Variants in EFNA5 observed in about 807,000 individuals in gnomAD.
EFNA5 encodes the protein ephrin-A5.
A neutral mutation model predicts 22.9 loss-of-function variants in EFNA5; 5 were observed. The observed-to-expected ratio is 0.22, with a 90% CI of 0.11 to 0.46. The LOEUF (loss-of-function observed/expected upper bound fraction) is 0.46, where lower values mean the gene tolerates loss of function less well. Ranked by LOEUF, EFNA5 falls within the 20% of genes least tolerant of loss-of-function variation. EFNA5 has a pLI of 0.99. For missense variants in EFNA5, 237 were observed against 293.3 expected, an observed-to-expected ratio of 0.81 and a Z score of 1.40; for synonymous variants, 113 against 112.2, an observed-to-expected ratio of 1.01 and a Z score of -0.04.
chr5:107,415,684 G>A lies in EFNA5; in HGVS notation c.418+11533C>T, dbSNP rs190852298. Among the ~76,000 whole-genome samples the A allele has an allele frequency of 2.0e-3, 310 of 152,328 alleles. 2 individuals are homozygous for A. The highest frequency in any genetic ancestry group is 7.0e-3 in the African/African-American group (293 of 41,572). Reference sequence around the variant, plus strand: ...AACTTCATTCAAAAGGATTTCAAATGTTATAAATTCTCAGTGTCTTTCCCC... The same window carrying A: ...AACTTCATTCAAAAGGATTTCAAATATTATAAATTCTCAGTGTCTTTCCCC... On this transcript the variant is annotated intron_variant, in intron 2 of 4. Coordinates refer to ENST00000333274, the MANE Select transcript of EFNA5 (RefSeq NM_001962.3).
chr5:107,510,712 G>A (rs1372371961), intron 1 of EFNA5, among the ~76,000 whole-genome samples: 1 of 152,152 alleles, frequency 6.6e-6, no homozygotes, highest in South Asian at 2.1e-4. Flanking sequence ...TAAGTCATGA[G>A]GTGCTGAAGA....
chr5:107,503,580 TGTTTCACTACTTACGTAGTAA>T (rs1456696642), intron 1 of EFNA5, among the ~76,000 whole-genome samples: 1 of 152,242 alleles, frequency 6.6e-6, no homozygotes, highest in Non-Finnish European at 1.5e-5. Flanking sequence ...CCTATGGCTA[TGTTTCACTACTTACGTAGTAA>T]GAACTGTGCC....
At chr5:107,470,000 G>A (rs1253602065) in intron 1 of EFNA5, among the ~76,000 whole-genome samples, 1 of 152,080 alleles carries the variant, frequency 6.6e-6, no homozygotes, top group Non-Finnish European at 1.5e-5. Flanking sequence ...TAACAGTAAT[G>A]CAATTATAAC....
intron 1 of EFNA5, among the ~76,000 whole-genome samples, chr5:107,532,265 G>A (rs1027144199): frequency 6.6e-6 from 1 of 152,216 alleles, no homozygotes; most frequent in East Asian, 1.9e-4. Context: ...TTGACTAAAG[G>A]TGAATGGCCT....
chr5:107,476,056 A>ATATATATATATATATATATATATTTTTT (rs1454967869), intron 1 of EFNA5, among the ~76,000 whole-genome samples: 1 of 115,404 alleles, frequency 8.7e-6, no homozygotes, highest in African/African-American at 3.5e-5. Flanking sequence ...CTATATATAT[A>ATATATATATATATATATATATATTTTTT]TTTTTTTTTT....
intron 2 of EFNA5, among the ~76,000 whole-genome samples, chr5:107,419,619 G>A (rs761204471): frequency 1.3e-5 from 2 of 152,044 alleles, no homozygotes; most frequent in African/African-American, 2.4e-5. Flanking sequence ...TTTAGAAAAC[G>A]TTAAAATTTG....
chr5:107,483,938 G>A (rs865864618), intron 1 of EFNA5, among the ~76,000 whole-genome samples: 32 of 152,162 alleles, frequency 2.1e-4, no homozygotes, highest in African/African-American at 7.5e-4. Context: ...CACTTTTCAG[G>A]TGGCAGAAAC....
intron 1 of EFNA5, among the ~76,000 whole-genome samples, chr5:107,492,178 C>T (rs2112414851): frequency 6.6e-6 from 1 of 152,200 alleles, no homozygotes; most frequent in South Asian, 2.1e-4. Context: ...AAAACAACTA[C>T]AAACTTTCCT....
chr5:107,559,742 G>A (rs1748497823), intron 1 of EFNA5, among the ~76,000 whole-genome samples: 1 of 152,136 alleles, frequency 6.6e-6, no homozygotes, highest in African/African-American at 2.4e-5. Flanking sequence ...CTGGTGCTAG[G>A]AGTAAAATTG....
At chr5:107,413,208 A>C (rs576482956) in intron 2 of EFNA5, among the ~76,000 whole-genome samples, 2 of 152,228 alleles carry the variant, frequency 1.3e-5, no homozygotes, top group African/African-American at 4.8e-5. Context: ...AAACTTAATA[A>C]TACTTTTAAA....
intron 1 of EFNA5, among the ~76,000 whole-genome samples, chr5:107,635,493 C>T (rs1395537696): frequency 2.0e-5 from 3 of 152,170 alleles, no homozygotes; most frequent in Admixed American, 6.5e-5. Context: ...TTTCAGTTGG[C>T]AGTATTTGAA....
chr5:107,546,379 G>A (rs775248189), intron 1 of EFNA5, among the ~76,000 whole-genome samples: 20 of 152,196 alleles, frequency 1.3e-4, no homozygotes, highest in Non-Finnish European at 1.8e-4. Flanking sequence ...AGCTATGAGC[G>A]GAAATGTATG....
At chr5:107,473,046 G>A (rs1269827482) in intron 1 of EFNA5, among the ~76,000 whole-genome samples, 1 of 152,004 alleles carries the variant, frequency 6.6e-6, no homozygotes, top group African/African-American at 2.4e-5. Context: ...TACCTCCTGG[G>A]GTTGCTCTCA....
intron 1 of EFNA5, among the ~76,000 whole-genome samples, chr5:107,477,885 T>G (rs894033310): frequency 6.6e-6 from 1 of 152,082 alleles, no homozygotes; most frequent in East Asian, 1.9e-4. Flanking sequence ...CTAAAGAGAG[T>G]TCCCCTTGGT....
At chr5:107,418,145 AT>A (rs1317692274) in intron 2 of EFNA5, among the ~76,000 whole-genome samples, 1 of 152,268 alleles carries the variant, frequency 6.6e-6, no homozygotes, top group Non-Finnish European at 1.5e-5. Flanking sequence ...TCACACTGAA[AT>A]TCAGTTGCCT....
At chr5:107,576,137 T>A (rs998299415) in intron 1 of EFNA5, among the ~76,000 whole-genome samples, 2 of 152,194 alleles carry the variant, frequency 1.3e-5, no homozygotes, top group Non-Finnish European at 2.9e-5. Flanking sequence ...CAAAATGGGT[T>A]GTTGTAAATG....
chr5:107,426,071 C>T (rs747180162), intron 2 of EFNA5, among the ~76,000 whole-genome samples: 20 of 152,262 alleles, frequency 1.3e-4, no homozygotes, highest in Non-Finnish European at 2.5e-4. Context: ...CAGCAATTGT[C>T]GACTTATACT....
chr5:107,620,816 C>G (rs867115145), intron 1 of EFNA5, among the ~76,000 whole-genome samples: 10 of 152,162 alleles, frequency 6.6e-5, no homozygotes, highest in African/African-American at 2.2e-4. Context: ...ATAAGTACTA[C>G]GATAATGGAG....
chr5:107,494,866 T>G (rs2112418346), intron 1 of EFNA5, among the ~76,000 whole-genome samples: 1 of 150,966 alleles, frequency 6.6e-6, no homozygotes, highest in Middle Eastern at 3.4e-3. Context: ...TAGCTCAGGG[T>G]GCTAGACAAA....
Sources: gnomAD v4.1 joint callset for allele counts (sites outside exome capture counted in the v4.1 genomes callset) on GRCh38, gnomAD v4.1.1 for gene constraint, MANE v1.5 for transcripts, NCBI Gene and HGNC (gene_info 2026-07-23, HGNC 2026-07-21) for gene names.